Variants in NFYC observed in about 807,000 individuals in gnomAD.
The protein encoded by NFYC is CAAT box DNA-binding protein subunit C.
NFYC carries 25 observed loss-of-function variants against 53.1 expected under a neutral mutation model. The observed-to-expected ratio is 0.47, with a 90% CI of 0.34 to 0.66. The LOEUF is 0.66. NFYC is among the 30% of genes least tolerant of loss of function. NFYC has a pLI of 0.01. For synonymous variants in NFYC, 145 were observed against 152.6 expected (o/e 0.95, Z 0.37); for missense variants, 260 against 422.7 (o/e 0.62, Z 3.38).
Position 40,737,485 on chromosome 1 carries a change from C to T in NFYC, c.-8-1351C>T, listed in dbSNP as rs545728038. ...CTGGGATTACAAGCGTCTGCCGCCACGCCCGGCTAATTTTTGTATTTTTAG... is the reference window on the plus strand; with the variant it reads ...CTGGGATTACAAGCGTCTGCCGCCATGCCCGGCTAATTTTTGTATTTTTAG... On this transcript the variant is annotated intron_variant, in intron 1 of 9. Coordinates refer to ENST00000447388, the MANE Select transcript of NFYC (RefSeq NM_014223.5). 1.2e-4 allele frequency among the ~76,000 whole-genome samples: 19 copies of T among 152,016 alleles called. No homozygotes were observed. In the East Asian group the frequency reaches 2.9e-3, roughly 23 times the overall value.
intron 1 of NFYC, chr1:40,712,658 C>CTTTTTTT (rs3081775): frequency 5.6e-4 from 40 of 71,062 alleles, no homozygotes; most frequent in East Asian, 1.9e-3. Flanking sequence ...GGATTAATGC[C>CTTTTTTT]TTTTTTTTTT....
chr1:40,727,899 T>G (rs1644593224), intron 1 of NFYC, among the ~76,000 whole-genome samples: 1 of 151,998 alleles, frequency 6.6e-6, no homozygotes, highest in Non-Finnish European at 1.5e-5. Context: ...TTTACTCAGA[T>G]CTGTCTGAGG....
At chr1:40,721,397 T>C (rs1644321539) in intron 1 of NFYC, among the ~76,000 whole-genome samples, 1 of 152,128 alleles carries the variant, frequency 6.6e-6, no homozygotes, top group Non-Finnish European at 1.5e-5. Flanking sequence ...CCAAACAGAA[T>C]CTTTTGCTTG....
At chr1:40,748,705 C>T (rs1645751700) in intron 3 of NFYC, among the ~76,000 whole-genome samples, 1 of 152,168 alleles carries the variant, frequency 6.6e-6, no homozygotes, top group Non-Finnish European at 1.5e-5. Flanking sequence ...AACTCTGTCT[C>T]TTTACCACTC....
chr1:40,717,286 G>GC lies in NFYC; in HGVS notation c.-8-21549dup, dbSNP rs573083623. Among the ~76,000 whole-genome samples the GC allele has an allele frequency of 3.1e-3, 479 of 152,242 alleles. 3 individuals carry two copies. Among genetic ancestry groups the GC allele is most frequent in the Non-Finnish European group, 4.8e-3 (328 of 68,006 alleles). On this transcript the variant is annotated intron_variant, in intron 1 of 9. Transcript: ENST00000447388. ...AGTCCTCTAGGTCAGTGCTCTCTAA[G>GC]CTTTTTTTGGTTGCACACCCCTGTT...
intron 8 of NFYC, 26 bp from the exon 9 acceptor site, chr1:40,769,330 C>T (rs897807829): frequency 6.2e-7 from 1 of 1,612,724 alleles, no homozygotes; most frequent in African/African-American, 1.3e-5. Context: ...GCTGACATAC[C>T]AACTCTACCA....
At chr1:40,749,517 A>G in intron 3 of NFYC, 56 bp from the exon 4 acceptor site, 2 of 1,389,430 alleles carry the variant, frequency 1.4e-6, no homozygotes, top group Non-Finnish European at 2.1e-6. Context: ...GGCAAGAGAC[A>G]GACTGGTTTG....
intron 1 of NFYC, among the ~76,000 whole-genome samples, chr1:40,715,061 C>T: frequency 6.8e-6 from 1 of 147,432 alleles, no homozygotes; most frequent in Non-Finnish European, 1.5e-5. Flanking sequence ...GCCTGTGCAA[C>T]AAATCGAGAC....
chr1:40,726,945 A>G (rs1644544237), intron 1 of NFYC, among the ~76,000 whole-genome samples: 1 of 152,248 alleles, frequency 6.6e-6, no homozygotes, highest in South Asian at 2.1e-4. Flanking sequence ...TTCCATTTCA[A>G]GGAACGACTT....
intron 1 of NFYC, among the ~76,000 whole-genome samples, chr1:40,724,317 G>A (rs111476437): frequency 0.023 from 3,497 of 152,178 alleles, 63 homozygotes; most frequent in Admixed American, 0.052. Context: ...GCAGTGAGCC[G>A]AGATCGTGCC....
chr1:40,755,438 C>T (rs1210819332), intron 5 of NFYC, among the ~76,000 whole-genome samples: 1 of 152,214 alleles, frequency 6.6e-6, no homozygotes, highest in East Asian at 1.9e-4. Flanking sequence ...AAGGCCCTGA[C>T]TTCTCAAAGA....
At chr1:40,729,713 T>C (rs1644678200) in intron 1 of NFYC, among the ~76,000 whole-genome samples, 1 of 151,796 alleles carries the variant, frequency 6.6e-6, no homozygotes, top group African/African-American at 2.4e-5. Context: ...TCTTGCACTG[T>C]CGCCCAGGCT....
intron 6 of NFYC, among the ~76,000 whole-genome samples, chr1:40,759,557 A>ATGTG (rs1273701515): frequency 1.9e-4 from 10 of 52,108 alleles, no homozygotes; most frequent in South Asian, 1.9e-3. Context: ...AAAAAAAAGT[A>ATGTG]TATGTGTGTG....
At chr1:40,761,263 A>G (rs988758116) in intron 6 of NFYC, among the ~76,000 whole-genome samples, 1 of 152,176 alleles carries the variant, frequency 6.6e-6, no homozygotes, top group Non-Finnish European at 1.5e-5. Context: ...CTTGGAGCTG[A>G]TAAGGCTTGT....
At chr1:40,693,253 C>T (rs1363540198) in intron 1 of NFYC, among the ~76,000 whole-genome samples, 3 of 152,166 alleles carry the variant, frequency 2.0e-5, no homozygotes, top group African/African-American at 7.2e-5. Context: ...AGTTTTTATT[C>T]CAATCCAGAG....
chr1:40,695,435 G>T (rs927814888), intron 1 of NFYC, among the ~76,000 whole-genome samples: 3 of 151,966 alleles, frequency 2.0e-5, no homozygotes, highest in African/African-American at 7.3e-5. Context: ...GTTTTGTTTT[G>T]TTTTTTGAGA....
intron 1 of NFYC, among the ~76,000 whole-genome samples, chr1:40,730,307 C>T (rs1644711553): frequency 1.4e-5 from 2 of 142,064 alleles, no homozygotes; most frequent in South Asian, 2.2e-4. Flanking sequence ...CCTCAAAGTT[C>T]TGGGATTACA....
chr1:40,704,263 G>T (rs1643586068), intron 1 of NFYC, among the ~76,000 whole-genome samples: 2 of 152,116 alleles, frequency 1.3e-5, no homozygotes, highest in South Asian at 4.1e-4. Flanking sequence ...AGTAGAGACG[G>T]GGTTTCACCG....
intron 1 of NFYC, among the ~76,000 whole-genome samples, chr1:40,722,210 AT>A (rs1329062564): frequency 6.6e-6 from 1 of 152,014 alleles, no homozygotes; most frequent in Non-Finnish European, 1.5e-5. Context: ...TAAAAAAAGA[AT>A]TTAAATGTTT....
Sources: gnomAD v4.1 joint callset for allele counts (sites outside exome capture counted in the v4.1 genomes callset) on GRCh38, gnomAD v4.1.1 for gene constraint, MANE v1.5 for transcripts, NCBI Gene and HGNC (gene_info 2026-07-23, HGNC 2026-07-21) for gene names.